SRGAP1: variants seen among roughly 807,000 people sequenced by gnomAD.
SRGAP1 encodes the protein SLIT-ROBO Rho GTPase-activating protein 1.
Under a neutral mutation model 121.9 loss-of-function variants are expected in SRGAP1, and 43 were observed. That is an observed-to-expected ratio of 0.35 (90% CI 0.28 to 0.46). The LOEUF (loss-of-function observed/expected upper bound fraction) is 0.46. SRGAP1 is among the 20% of genes least tolerant of loss of function. The pLI, the probability that SRGAP1 is intolerant of heterozygous loss-of-function variation, is 1.00. For synonymous variants in SRGAP1, 447 were observed against 485.4 expected (o/e 0.92, Z 1.04); for missense variants, 1,102 against 1,350.9 (o/e 0.82, Z 2.89).
intron 2 of SRGAP1, among the ~76,000 whole-genome samples, chr12:63,986,837 C>T (rs1036730389): frequency 1.1e-4 from 16 of 152,120 alleles, no homozygotes; most frequent in Admixed American, 2.0e-4. Context: ...TGGATGGACA[C>T]GTTTTTGTTT....
chr12:63,987,699 G>A (rs574128303), intron 2 of SRGAP1, among the ~76,000 whole-genome samples: 26 of 152,164 alleles, frequency 1.7e-4, no homozygotes, highest in African/African-American at 6.3e-4. Context: ...CCCAGCCTAG[G>A]CAACAAGAGC....
chr12:63,844,904 C>G lies in SRGAP1; in HGVS notation c.67+21C>G, dbSNP rs753587705. ...CAAAGGTAAGGATGGGAGCGGCTGC[C>G]TTGCTCCTTTTGTGTGCCTTCTTGT... is the stretch of plus-strand genomic sequence containing the variant. On this transcript the variant is annotated intron_variant, in intron 1 of 21. Transcript: ENST00000355086. The surrounding 1 kb of genome is among the most constrained non-coding windows in gnomAD (Gnocchi z 4.3). The G allele has an allele frequency of 1.2e-6, 2 of 1,611,380 alleles. No homozygotes were observed. Among genetic ancestry groups the G allele is most frequent in the South Asian group, 1.1e-5 (1 of 91,030 alleles).
chr12:64,079,547 A>T (rs982100256), intron 9 of SRGAP1, among the ~76,000 whole-genome samples: 2 of 151,530 alleles, frequency 1.3e-5, no homozygotes, highest in African/African-American at 4.8e-5. Flanking sequence ...GCCAGCAGGC[A>T]TAATGATGTG....
chr12:64,142,940 G>A lies in SRGAP1; in HGVS notation c.*268G>A. ...TTGAAAATCCAATGCTGCACCACTT[G>A]TAATGAAGGCAACACCGCTCTCCAC... On this transcript the variant is annotated 3_prime_UTR_variant, in exon 22 of 22. Coordinates refer to ENST00000355086, the MANE Select transcript of SRGAP1 (RefSeq NM_020762.4). The A allele has an allele frequency of 2.3e-6, 1 of 436,338 alleles. No individual in the cohort carries two copies. The highest frequency in any genetic ancestry group is 4.2e-6 in the Non-Finnish European group (1 of 240,182). 27.0% of individuals were successfully genotyped at this position (436,338 alleles called of 1,614,324 possible). A position where few individuals can be genotyped will look rare whatever the true frequency, so the allele number is the denominator to read the frequency against.
chr12:63,920,627 G>A (rs1160881871), intron 1 of SRGAP1, among the ~76,000 whole-genome samples: 1 of 152,308 alleles, frequency 6.6e-6, no homozygotes, highest in East Asian at 1.9e-4. Context: ...TGAGACCCTA[G>A]AGATGAGTTG....
rs2030637540 is a variant in SRGAP1 at position 63,913,518 on chromosome 12, T to TAC, written c.67+68637_67+68638dup. On this transcript the variant is annotated intron_variant, in intron 1 of 21. Transcript: ENST00000355086. ...ATACACATATATGTGTATATATATA[T>TAC]ACATATATGTGTGTATTATATATAT... is the stretch of plus-strand genomic sequence containing the variant. 3.4e-5 allele frequency among the ~76,000 whole-genome samples: 5 copies of TAC among 146,090 alleles called. No individual in the cohort carries two copies. In the South Asian group the frequency reaches 1.1e-3, roughly 32 times the overall value.
At chr12:63,868,617 C>T (rs928635852) in intron 1 of SRGAP1, among the ~76,000 whole-genome samples, 1 of 152,138 alleles carries the variant, frequency 6.6e-6, no homozygotes, top group Non-Finnish European at 1.5e-5. Flanking sequence ...CAGCCTTGGC[C>T]TCCAGAAGTG....
At chr12:63,868,592 G>A (rs1389033150) in intron 1 of SRGAP1, among the ~76,000 whole-genome samples, 1 of 152,016 alleles carries the variant, frequency 6.6e-6, no homozygotes, top group Non-Finnish European at 1.5e-5. Context: ...GAACTCCTGG[G>A]CTCAAGCGAT....
chr12:64,112,355 T>A (rs1229571167), intron 17 of SRGAP1, among the ~76,000 whole-genome samples: 3 of 152,220 alleles, frequency 2.0e-5, no homozygotes, highest in African/African-American at 7.2e-5. Context: ...ATAAAGTGTT[T>A]TTAAATTCTC....
intron 4 of SRGAP1, among the ~76,000 whole-genome samples, chr12:64,018,184 G>C (rs1043388146): frequency 5.3e-5 from 8 of 152,160 alleles, no homozygotes; most frequent in African/African-American, 1.9e-4. Context: ...TGCCTCCCGG[G>C]TTTGAGCAAT....
chr12:64,083,585 T>C (rs1336366395), intron 10 of SRGAP1, among the ~76,000 whole-genome samples: 1 of 152,240 alleles, frequency 6.6e-6, no homozygotes, highest in Non-Finnish European at 1.5e-5. Context: ...CTCATTATTA[T>C]CATTTTCTTC....
At chr12:63,967,047 C>G (rs1592989993) in intron 1 of SRGAP1, among the ~76,000 whole-genome samples, 1 of 152,206 alleles carries the variant, frequency 6.6e-6, no homozygotes, top group Non-Finnish European at 1.5e-5. Context: ...TTTACTCATA[C>G]AGTACCCTTC....
At chr12:63,869,660 C>T (rs1899783983) in intron 1 of SRGAP1, among the ~76,000 whole-genome samples, 1 of 152,148 alleles carries the variant, frequency 6.6e-6, no homozygotes, top group African/African-American at 2.4e-5. Context: ...TGATTGTCTC[C>T]TTAATGGTGA....
intron 1 of SRGAP1, among the ~76,000 whole-genome samples, chr12:63,846,127 C>G (rs1012657347): frequency 6.6e-6 from 1 of 151,486 alleles, no homozygotes; most frequent in Admixed American, 6.6e-5. Flanking sequence ...ATGGAGTTAT[C>G]TATAGGCTGA....
At position 64,104,743 on chromosome 12, in the gene SRGAP1, T is replaced by C. The variant is rs984979482; in HGVS notation, c.1814-4189T>C. Among the ~76,000 whole-genome samples, 4 of 152,320 alleles carry C rather than the reference T, an allele frequency of 2.6e-5. No homozygotes were observed. The South Asian group carries it at 8.3e-4, about 32-fold the overall frequency. ...TTCAGGAATGCCAGCAGTTCTGTTT[T>C]GCTTTGATTTGTGTTGACTGTAGTT... On this transcript the variant is annotated intron_variant, in intron 15 of 21. Transcript: ENST00000355086.
chr12:64,097,924 A>G (rs927056688), intron 15 of SRGAP1, among the ~76,000 whole-genome samples: 15 of 152,166 alleles, frequency 9.9e-5, no homozygotes, highest in African/African-American at 3.4e-4. Context: ...ATCATTGGCA[A>G]AGTAAAGCAT....
chr12:63,873,913 A>C (rs1419460222), intron 1 of SRGAP1, among the ~76,000 whole-genome samples: 1 of 151,572 alleles, frequency 6.6e-6, no homozygotes, highest in Non-Finnish European at 1.5e-5. Context: ...CTATGGTCGC[A>C]TGCAGCTACT....
At chr12:64,029,019 G>A (rs1474480828) in intron 4 of SRGAP1, among the ~76,000 whole-genome samples, 1 of 152,128 alleles carries the variant, frequency 6.6e-6, no homozygotes, top group Non-Finnish European at 1.5e-5. Context: ...CCAGTTTAGA[G>A]GTGAGTAAAC....
At position 64,095,155 on chromosome 12, in the gene SRGAP1, G is replaced by A; in HGVS notation, c.1629G>A (p.Val543=). ...TTCAGCATCAGGGGATTTTCAGAGT[G>A]TCTGGTTCCCAGGTGGAAGTCAATG... ...YGLQHQGIFR[V]SGSQVEVNDI... The change falls in exon 14 of 22, where the codon GTG becomes GTA. Residue 543 remains valine, a synonymous_variant. Coordinates refer to ENST00000355086, the MANE Select transcript of SRGAP1 (RefSeq NM_020762.4). The A allele has an allele frequency of 6.2e-7, 1 of 1,614,058 alleles. No homozygotes were observed. Among genetic ancestry groups the A allele is most frequent in the South Asian group, 1.1e-5 (1 of 91,078 alleles).
Sources: allele counts gnomAD v4.1 joint callset (sites outside exome capture counted in the v4.1 genomes callset), GRCh38; gene constraint gnomAD v4.1.1; non-coding constraint Gnocchi (gnomAD v3.1); transcripts MANE v1.5; gene names NCBI Gene and HGNC (gene_info 2026-07-23, HGNC 2026-07-21).